Variants in SPAG1 observed in about 807,000 individuals in gnomAD.
SPAG1 encodes the protein sperm associated antigen 1, also known as sperm-associated antigen 1.
Under a neutral mutation model 100.5 loss-of-function variants are expected in SPAG1, and 69 were observed. The observed-to-expected ratio is 0.69, with a 90% confidence interval of 0.57 to 0.84. The LOEUF is 0.84. SPAG1 is among the 40% of genes least tolerant of loss of function. The probability of loss-of-function intolerance (pLI) is 0.00; values close to 1 mark genes in which losing one functional copy is unlikely to be tolerated. For missense variants in SPAG1, 955 were observed against 1,133.1 expected (o/e 0.84, Z 2.26); for synonymous variants, 336 against 411.6 (o/e 0.82, Z 2.22).
At chr8:100,162,237 AT>A in intron 1 of SPAG1, 41 bp from the exon 2 acceptor site, 1 of 1,438,880 alleles carries the variant, frequency 6.9e-7, no homozygotes, top group Admixed American at 2.2e-5. Context: ...ATTGAGTATT[AT>A]TTATACATTA....
At chr8:100,201,299 T>G (rs1039539972) in intron 10 of SPAG1, among the ~76,000 whole-genome samples, 1 of 151,954 alleles carries the variant, frequency 6.6e-6, no homozygotes, top group Non-Finnish European at 1.5e-5. Flanking sequence ...TTCATTTTTA[T>G]TTTTTGTAGA....
rs755633669 is a variant in SPAG1 at position 100,231,149 on chromosome 8, C to A, written c.1856-7C>A. The A allele has an allele frequency of 1.9e-6, 3 of 1,590,220 alleles. No individual in the cohort carries two copies. Among genetic ancestry groups the A allele is most frequent in the Non-Finnish European group, 2.6e-6 (3 of 1,169,984 alleles). On this transcript the variant is annotated splice_region_variant and splice_polypyrimidine_tract_variant and intron_variant, in intron 14 of 18. Transcript: ENST00000388798. ...TACTTCCTCTTCTTTGTTTTTTTGT[C>A]CCATAGATGAAAAAACATTTAAAGC...
At chr8:100,217,847 A>G (rs1215049434) in intron 12 of SPAG1, among the ~76,000 whole-genome samples, 2 of 151,970 alleles carry the variant, frequency 1.3e-5, no homozygotes, top group Non-Finnish European at 2.9e-5. Context: ...CAATGGCATG[A>G]TCTCTGCTCA....
intron 10 of SPAG1, among the ~76,000 whole-genome samples, chr8:100,205,787 C>T (rs896382629): frequency 1.3e-5 from 2 of 151,822 alleles, no homozygotes; most frequent in African/African-American, 2.4e-5. Context: ...GAGGCCGAGG[C>T]GGGCAGATCA....
At chr8:100,203,918 G>A (rs920465956) in intron 10 of SPAG1, among the ~76,000 whole-genome samples, 17 of 152,178 alleles carry the variant, frequency 1.1e-4, no homozygotes, top group Non-Finnish European at 2.4e-4. Context: ...GGTGTCTACC[G>A]TTAAAATAAG....
At chr8:100,181,875 C>T (rs1816380872) in intron 4 of SPAG1, among the ~76,000 whole-genome samples, 2 of 152,166 alleles carry the variant, frequency 1.3e-5, no homozygotes, top group African/African-American at 4.8e-5. Flanking sequence ...TTTTGGGAGA[C>T]ACAATTCAAC....
intron 15 of SPAG1, 99 bp downstream of exon 15, chr8:100,231,387 GT>G (rs1818761603): frequency 1.2e-6 from 1 of 821,782 alleles, no homozygotes; most frequent in African/African-American, 1.7e-5. Flanking sequence ...AATTGCCAAA[GT>G]TTTTTGTGAT....
At chr8:100,233,654 T>A in intron 16 of SPAG1, 117 bp downstream of exon 16, 6 of 1,054,140 alleles carry the variant, frequency 5.7e-6, no homozygotes, top group South Asian at 1.6e-5. Context: ...GATTTAATCC[T>A]AGAACTGTAC....
At chr8:100,221,412 A>G (rs1818273424) in intron 13 of SPAG1, among the ~76,000 whole-genome samples, 1 of 152,158 alleles carries the variant, frequency 6.6e-6, no homozygotes, top group Non-Finnish European at 1.5e-5. Context: ...AAACTTCCAG[A>G]CTTCATCAAT....
rs1214484326 is a variant in SPAG1, at chr8:100,235,142, A to G, written c.2115+1605A>G. 6.6e-5 allele frequency among the ~76,000 whole-genome samples: 10 copies of G among 152,118 alleles called. 1 individual carries two copies. Among genetic ancestry groups the G allele is most frequent in the Admixed American group, 6.6e-4 (10 of 15,266 alleles). ...ATAGGGGTGGTCTCTTCAGAGGCCT[A>G]TGTCTCTGGCTTACAGTTGCTGTCC... On this transcript the variant is annotated intron_variant, in intron 16 of 18. Transcript: ENST00000388798.
Position 100,165,220 on chromosome 8 carries a change from A to G in SPAG1, c.141-594A>G, listed in dbSNP as rs73279022. ...TAATTGTATGTTCCAAGCAGCCGAT[A>G]TTAACAACTTCCATCACGACTCTAG... is the stretch of plus-strand genomic sequence containing the variant. On this transcript the variant is annotated intron_variant, in intron 2 of 18. Transcript: ENST00000388798. The G allele has an allele frequency of 2.2e-3, 1,152 of 512,798 alleles. 17 individuals are homozygous for G. The highest frequency in any genetic ancestry group is 0.021 in the African/African-American group (1,089 of 50,994). 31.8% of individuals were successfully genotyped at this position (512,798 alleles called of 1,614,324 possible).
At chr8:100,226,304 G>A (rs1044867066) in intron 14 of SPAG1, among the ~76,000 whole-genome samples, 1 of 152,134 alleles carries the variant, frequency 6.6e-6, no homozygotes, top group Non-Finnish European at 1.5e-5. Context: ...GTTTAAGGCA[G>A]GGGAATGTAT....
rs1355723621 is a variant in SPAG1, at chr8:100,220,364, T to G, written c.1621T>G (p.Tyr541Asp). The G allele has an allele frequency of 4.3e-6, 7 of 1,613,902 alleles. No individual in the cohort carries two copies. The highest frequency in any genetic ancestry group is 5.9e-6 in the Non-Finnish European group (7 of 1,179,922). The change falls in exon 13 of 19, where the codon TAT becomes GAT. Residue 541 changes from tyrosine to aspartate, a missense_variant. Coordinates refer to ENST00000388798, the MANE Select transcript of SPAG1 (RefSeq NM_003114.5). ...YETLEQYGKAYVDYKTVLQID... is the reference protein window; with the variant it reads ...YETLEQYGKADVDYKTVLQID... ...AACTCTAGAGCAGTATGGGAAAGCTTATGTGGATTATAAAACAGTGTTGCA... is the reference window on the plus strand; with the variant it reads ...AACTCTAGAGCAGTATGGGAAAGCTGATGTGGATTATAAAACAGTGTTGCA...
At chr8:100,168,388 T>C (rs1470927572) in intron 3 of SPAG1, among the ~76,000 whole-genome samples, 4 of 152,146 alleles carry the variant, frequency 2.6e-5, no homozygotes, top group Non-Finnish European at 4.4e-5. Context: ...TGTGTTCTTA[T>C]TGAGTTGCCA....
chr8:100,188,156 G>A (rs1816665100), intron 8 of SPAG1, among the ~76,000 whole-genome samples: 1 of 151,474 alleles, frequency 6.6e-6, no homozygotes, highest in Non-Finnish European at 1.5e-5. Flanking sequence ...CTCCCAGCCT[G>A]TTTTTGTTTT....
At chr8:100,233,095 G>T (rs934624589) in intron 15 of SPAG1, 3 of 284,610 alleles carry the variant, frequency 1.1e-5, no homozygotes, top group African/African-American at 4.6e-5. Flanking sequence ...TCTGCGCCTT[G>T]TCTCAGCCCC....
chr8:100,232,338 C>T (rs1261345450), intron 15 of SPAG1, among the ~76,000 whole-genome samples: 1 of 152,116 alleles, frequency 6.6e-6, no homozygotes, highest in African/African-American at 2.4e-5. Context: ...TCTCATAGTT[C>T]TGAGGGTCTA....
intron 3 of SPAG1, among the ~76,000 whole-genome samples, chr8:100,169,212 C>A (rs1815709961): frequency 6.6e-6 from 1 of 152,036 alleles, no homozygotes; most frequent in Non-Finnish European, 1.5e-5. Context: ...GTTCAAGCAC[C>A]ATTTAATAAA....
Position 100,197,573 on chromosome 8 carries a change from A to G in SPAG1, c.1096+3305A>G, listed in dbSNP as rs182419042. 2.5e-3 allele frequency among the ~76,000 whole-genome samples: 386 copies of G among 152,308 alleles called. 1 individual carries two copies. The highest frequency in any genetic ancestry group is 4.5e-3 in the Non-Finnish European group (304 of 68,028). ...AACCCCAGTCACTTTTAGGAAAATC[A>G]TGTTAAAGCCCAGAGGAAAGTTATC... On this transcript the variant is annotated intron_variant, in intron 10 of 18. Transcript: ENST00000388798.
Sources: allele counts gnomAD v4.1 joint callset (sites outside exome capture counted in the v4.1 genomes callset), GRCh38; gene constraint gnomAD v4.1.1; transcripts MANE v1.5; gene names NCBI Gene and HGNC (gene_info 2026-07-23, HGNC 2026-07-21).